The following MYO18A variants were observed in gnomAD, a reference collection of about 807,000 sequenced individuals.
MYO18A encodes unconventional myosin-XVIIIa.
In MYO18A, 78 loss-of-function variants were observed where a neutral mutation model predicts 235.8. The observed-to-expected ratio is 0.33, with a 90% CI of 0.28 to 0.40. The LOEUF (loss-of-function observed/expected upper bound fraction) is 0.40, where lower values mean the gene tolerates loss of function less well. Ranked by LOEUF, MYO18A falls within the 10% of genes least tolerant of loss-of-function variation. The pLI, the probability that MYO18A is intolerant of heterozygous loss-of-function variation, is 1.00. For synonymous variants in MYO18A, 977 were observed against 1,077.8 expected (o/e 0.91, Z 1.83); for missense variants, 2,215 against 2,699.3 (o/e 0.82, Z 3.98).
chr17:29,091,151 A>G, intron 34 of MYO18A: 1 of 530,684 alleles, frequency 1.9e-6, no homozygotes, highest in Non-Finnish European at 3.4e-6. Context: ...TGGGCCTCTG[A>G]GCTGAATGAC....
In MYO18A at chr17:29,092,994, C is replaced by A. The variant is rs371450769; in HGVS notation, c.4934G>T (p.Arg1645Leu). Residue 1645 changes from arginine (R) to leucine (L), a missense_variant, in exon 33 of 42, where the codon CGG becomes CTG. Coordinates refer to ENST00000527372, the MANE Select transcript of MYO18A (RefSeq NM_078471.4). ...CCGCTTCTCTGACTCAAAGTCCCGC[C>A]GGTTCACCTGGGTGGGCACCAGCAG... ...KLATLSDQVN[R>L]RDFESEKRLR... 1.2e-6 allele frequency: 2 copies of A among 1,612,896 alleles called. No homozygotes were observed. The highest frequency in any genetic ancestry group is 8.5e-7 in the Non-Finnish European group (1 of 1,179,726).
At position 29,103,806 on chromosome 17, in the gene MYO18A, G is replaced by C. The variant is rs2066715171; in HGVS notation, c.3442-142C>G. The stretch of plus-strand genomic sequence containing the variant: ...CTTGCGTGGGCTTCCTCAGTGTCAG[G>C]CACTGGGTTGGACTCTGGGGACATA... On this transcript the variant is annotated intron_variant, in intron 20 of 41. Coordinates refer to ENST00000527372, the MANE Select transcript of MYO18A (RefSeq NM_078471.4). The C allele has an allele frequency of 5.6e-6, 4 of 720,124 alleles. No individual in the cohort carries two copies. The Admixed American group carries it at 7.1e-5, about 13-fold the overall frequency. The allele number at this position is 720,124 out of a possible 1,614,324, so 44.6% of individuals were successfully genotyped here.
chr17:29,115,713 G>A lies in MYO18A; in HGVS notation c.2178C>T (p.Ser726=). ...HQHKGGTLQR[S]TSFRQGPEES... ...CCTCGGGGCCCTGGCGGAAGGAGGTGGAGCGCTGCAGGGTGCCACCCTTGT... is the reference window on the plus strand; with the variant it reads ...CCTCGGGGCCCTGGCGGAAGGAGGTAGAGCGCTGCAGGGTGCCACCCTTGT... The change falls in exon 12 of 42, where the codon TCC becomes TCT. Residue 726 remains serine, a synonymous_variant. Coordinates refer to ENST00000527372, the MANE Select transcript of MYO18A (RefSeq NM_078471.4). The A allele has an allele frequency of 6.2e-7, 1 of 1,606,298 alleles. No homozygotes were observed. The highest frequency in any genetic ancestry group is 1.7e-5 in the Admixed American group (1 of 59,310).
chr17:29,121,842 C>A lies in MYO18A; in HGVS notation c.1194+9G>T. 1 of 1,613,640 alleles carries A rather than the reference C, an allele frequency of 6.2e-7. No homozygotes were observed. The highest frequency in any genetic ancestry group is 1.7e-5 in the Admixed American group (1 of 60,030). ...CTCCTCCCCCACACCCAGCCCCCTG[C>A]CCACCTACCTTCTCAACGTCATCCT... On this transcript the variant is annotated intron_variant, in intron 4 of 41. Coordinates refer to ENST00000527372, the MANE Select transcript of MYO18A (RefSeq NM_078471.4). The surrounding 1 kb of genome is among the most constrained non-coding windows in gnomAD (Gnocchi z 4.2).
chr17:29,133,502 G>T (rs2067523377), intron 2 of MYO18A, among the ~76,000 whole-genome samples: 1 of 152,178 alleles, frequency 6.6e-6, no homozygotes, highest in Non-Finnish European at 1.5e-5. Flanking sequence ...AAGGCAGCAG[G>T]GTGGTGGGAA....
chr17:29,088,734 G>A (rs547274139), intron 37 of MYO18A, among the ~76,000 whole-genome samples: 7 of 152,320 alleles, frequency 4.6e-5, no homozygotes, highest in African/African-American at 1.4e-4. Context: ...ACTGGCTTTG[G>A]GAGACCGAAA....
At chr17:29,139,516 G>A (rs992962097) in intron 2 of MYO18A, among the ~76,000 whole-genome samples, 2 of 152,050 alleles carry the variant, frequency 1.3e-5, no homozygotes, top group Non-Finnish European at 2.9e-5. Flanking sequence ...AGAGATACAA[G>A]TACTCACGGG....
rs1203203443 is a variant in MYO18A, at chr17:29,140,582, C to T, written c.1000-18329G>A. On this transcript the variant is annotated intron_variant, in intron 2 of 41. Transcript: ENST00000527372. The surrounding 1 kb of genome is among the most constrained non-coding windows in gnomAD (Gnocchi z 4.2). ...GTGTGTGTGGAAGGGAAGGAGAAGGCTCTTAGGGTAAAGCCATTGGGGTGG... is the reference window on the plus strand; with the variant it reads ...GTGTGTGTGGAAGGGAAGGAGAAGGTTCTTAGGGTAAAGCCATTGGGGTGG... 3.1e-6 allele frequency: 1 copy of T among 321,376 alleles called. No individual in the cohort carries two copies. The allele number at this position is 321,376 out of a possible 1,614,324, so 19.9% of individuals were successfully genotyped here. A position where few individuals can be genotyped will look rare whatever the true frequency, so the allele number is the denominator to read the frequency against.
chr17:29,163,845 T>C (rs1407506734), intron 2 of MYO18A, among the ~76,000 whole-genome samples: 1 of 152,234 alleles, frequency 6.6e-6, no homozygotes, highest in Non-Finnish European at 1.5e-5. Context: ...AAAGCAGCGT[T>C]AGCCTGGAAG....
chr17:29,102,415 G>A (rs763873773), intron 21 of MYO18A, among the ~76,000 whole-genome samples: 1 of 152,214 alleles, frequency 6.6e-6, no homozygotes, highest in Non-Finnish European at 1.5e-5. Flanking sequence ...CCTGACAGCA[G>A]ATAGCCCTAG....
intron 2 of MYO18A, among the ~76,000 whole-genome samples, chr17:29,139,370 T>C (rs1598367034): frequency 6.6e-6 from 1 of 150,654 alleles, no homozygotes; most frequent in Non-Finnish European, 1.5e-5. Flanking sequence ...TGGGGGAGAG[T>C]ACCCTAGACC....
chr17:29,171,760 G>A (rs1241279154), intron 1 of MYO18A, among the ~76,000 whole-genome samples: 2 of 152,022 alleles, frequency 1.3e-5, no homozygotes, highest in Non-Finnish European at 1.5e-5. Context: ...TCTGGATGTG[G>A]TGGTGCATGC....
chr17:29,098,365 C>T lies in MYO18A; in HGVS notation c.3861G>A (p.Leu1287=), dbSNP rs1428201323. Residue 1287 remains leucine (L), a synonymous_variant, in exon 24 of 42, where the codon CTG becomes CTA. Coordinates refer to ENST00000527372, the MANE Select transcript of MYO18A (RefSeq NM_078471.4). ...GCCAGGAGTCACTCACCCGGCTCTC[C>T]AGCCGGTCACTGTTGAGCCGCAGCT... ...RNELRLNSDR[L]ESRISELTSE... 2 of 1,613,880 alleles carry T rather than the reference C, an allele frequency of 1.2e-6. No homozygotes were observed. Among genetic ancestry groups the T allele is most frequent in the South Asian group, 1.1e-5 (1 of 91,082 alleles).
intron 2 of MYO18A, among the ~76,000 whole-genome samples, chr17:29,133,041 CG>C (rs752016070): frequency 5.3e-5 from 8 of 152,242 alleles, no homozygotes; most frequent in Non-Finnish European, 1.2e-4. Flanking sequence ...ACTTGGGTGC[CG>C]GGGTGGCCCA....
intron 2 of MYO18A, among the ~76,000 whole-genome samples, chr17:29,159,129 A>C (rs1395557564): frequency 6.6e-6 from 1 of 152,174 alleles, no homozygotes; most frequent in African/African-American, 2.4e-5. Flanking sequence ...ACGGTACTCC[A>C]GGGCTGCAAT....
intron 21 of MYO18A, among the ~76,000 whole-genome samples, chr17:29,100,094 C>G (rs535859296): frequency 2.0e-5 from 3 of 152,180 alleles, no homozygotes; most frequent in Non-Finnish European, 4.4e-5. Context: ...AGGGAGGGGG[C>G]GTCCTGCCAC....
chr17:29,135,080 A>C (rs1227396459), intron 2 of MYO18A, among the ~76,000 whole-genome samples: 1 of 151,876 alleles, frequency 6.6e-6, no homozygotes, highest in Non-Finnish European at 1.5e-5. Context: ...ACTTCAGTGG[A>C]GTTTAATAAC....
chr17:29,173,912 C>T (rs2068464477), intron 1 of MYO18A, among the ~76,000 whole-genome samples: 1 of 152,134 alleles, frequency 6.6e-6, no homozygotes, highest in Admixed American at 6.5e-5. Context: ...GCTGTGACTA[C>T]AGGTGTGCGC....
chr17:29,116,721 ACCCTCCCCCCCCCCCCCCC>A lies in MYO18A; in HGVS notation c.2039-285_2039-267del, dbSNP rs920282716. On this transcript the variant is annotated intron_variant, in intron 10 of 41. Coordinates refer to ENST00000527372, the MANE Select transcript of MYO18A (RefSeq NM_078471.4). ...TGCACATGTGTGTGTGCGCAAACAC[ACCCTCCCCCCCCCCCCCCC>A]CCCCCGCCGGAAAACACTGGAAGCT... 0.018 allele frequency among the ~76,000 whole-genome samples: 64 copies of A among 3,470 alleles called. 6 individuals are homozygous for A. The South Asian group carries it at 0.45, about 24-fold the overall frequency. 2.3% of individuals were successfully genotyped at this position (3,470 alleles called of 152,430 possible). A position where few individuals can be genotyped will look rare whatever the true frequency, so the allele number is the denominator to read the frequency against.
Sources: gnomAD v4.1 joint callset for allele counts (sites outside exome capture counted in the v4.1 genomes callset) on GRCh38, gnomAD v4.1.1 for gene constraint, Gnocchi (gnomAD v3.1) non-coding constraint, MANE v1.5 for transcripts, NCBI Gene and HGNC (gene_info 2026-07-23, HGNC 2026-07-21) for gene names.